Variants in ZNF804B observed in about 807,000 individuals in gnomAD.
ZNF804B encodes zinc finger 804B.
In ZNF804B, 80 loss-of-function variants were observed where a neutral mutation model predicts 101.4. The observed-to-expected ratio is 0.79, with a 90% confidence interval of 0.66 to 0.95. The LOEUF is 0.95. Among genes scored for constraint, ZNF804B ranks in the 40% least tolerant of loss-of-function variants. The probability of loss-of-function intolerance (pLI) is 0.00; values close to 1 mark genes in which losing one functional copy is unlikely to be tolerated. For missense variants in ZNF804B, 1,673 were observed against 1,561.9 expected, an observed-to-expected ratio of 1.07 and a Z score of -1.20; for synonymous variants, 622 against 558.8, an observed-to-expected ratio of 1.11 and a Z score of -1.59.
intron 1 of ZNF804B, among the ~76,000 whole-genome samples, chr7:89,095,352 G>A (rs1789957239): frequency 6.6e-6 from 1 of 152,166 alleles, no homozygotes; most frequent in Non-Finnish European, 1.5e-5. Context: ...CCAGCCTCTA[G>A]AACTGTGAGA....
At position 89,078,787 on chromosome 7, in the gene ZNF804B, A is replaced by G. The variant is rs143000772; in HGVS notation, c.109-139368A>G. Among the ~76,000 whole-genome samples, 538 of 152,090 alleles carry G rather than the reference A, an allele frequency of 3.5e-3. 5 individuals are homozygous for G. The highest frequency in any genetic ancestry group is 0.012 in the African/African-American group (504 of 41,514). The stretch of plus-strand genomic sequence containing the variant: ...TAAGAAGAAGGAATTAGGGAGTCTG[A>G]GAAATACAATTGGTCTTTCTAACCT... On this transcript the variant is annotated intron_variant, in intron 1 of 3. Transcript: ENST00000333190.
At chr7:88,905,496 T>C (rs113056106) in intron 1 of ZNF804B, among the ~76,000 whole-genome samples, 1,944 of 152,192 alleles carry the variant, frequency 0.013, 36 homozygotes, top group African/African-American at 0.044. Context: ...TGTCTGAGAT[T>C]ACAGGCATCT....
At chr7:89,150,235 A>G (rs1430578793) in intron 1 of ZNF804B, among the ~76,000 whole-genome samples, 1 of 151,982 alleles carries the variant, frequency 6.6e-6, no homozygotes, top group Non-Finnish European at 1.5e-5. Context: ...TAGGAGATAC[A>G]GAGTTCGGTA....
At chr7:88,792,482 G>A (rs1790395806) in intron 1 of ZNF804B, among the ~76,000 whole-genome samples, 1 of 151,962 alleles carries the variant, frequency 6.6e-6, no homozygotes, top group Admixed American at 6.6e-5. Flanking sequence ...TCTTACATAT[G>A]CTCGTCTTCT....
chr7:88,939,917 A>T (rs1793031821), intron 1 of ZNF804B, among the ~76,000 whole-genome samples: 1 of 152,014 alleles, frequency 6.6e-6, no homozygotes, highest in South Asian at 2.1e-4. Flanking sequence ...AAGAATTATA[A>T]GTTTAGATTG....
At chr7:88,923,183 G>A (rs1183886344) in intron 1 of ZNF804B, among the ~76,000 whole-genome samples, 4 of 152,040 alleles carry the variant, frequency 2.6e-5, no homozygotes, top group Non-Finnish European at 5.9e-5. Context: ...AGCATAAAGG[G>A]AAATGAGAGA....
chr7:89,128,127 C>T (rs1248982334), intron 1 of ZNF804B, among the ~76,000 whole-genome samples: 3 of 151,276 alleles, frequency 2.0e-5, no homozygotes, highest in Non-Finnish European at 4.4e-5. Context: ...TCCTTTTGGG[C>T]GTTTGAATGT....
intron 1 of ZNF804B, among the ~76,000 whole-genome samples, chr7:89,102,901 TG>T (rs1249981082): frequency 6.6e-6 from 1 of 151,924 alleles, no homozygotes; most frequent in African/African-American, 2.4e-5. Context: ...CTTCTGCATA[TG>T]GCTAGCCAGT....
At chr7:89,308,439 G>T (rs564261191) in intron 2 of ZNF804B, among the ~76,000 whole-genome samples, 3 of 152,218 alleles carry the variant, frequency 2.0e-5, no homozygotes, top group East Asian at 3.9e-4. Context: ...GAATATAAAG[G>T]CTAAGTCAAC....
chr7:89,266,336 T>C (rs890780144), intron 2 of ZNF804B, among the ~76,000 whole-genome samples: 1 of 152,124 alleles, frequency 6.6e-6, no homozygotes, highest in African/African-American at 2.4e-5. Flanking sequence ...ATATTTGCAT[T>C]TCAAAATTTT....
intron 2 of ZNF804B, among the ~76,000 whole-genome samples, chr7:89,248,299 G>A (rs1394147052): frequency 1.3e-5 from 2 of 151,970 alleles, no homozygotes; most frequent in Non-Finnish European, 2.9e-5. Flanking sequence ...ACCAAGGCAT[G>A]TAGTCACCAG....
At chr7:89,216,431 G>A (rs1788898316) in intron 1 of ZNF804B, among the ~76,000 whole-genome samples, 1 of 152,180 alleles carries the variant, frequency 6.6e-6, no homozygotes, top group African/African-American at 2.4e-5. Flanking sequence ...CTTCTCAATA[G>A]TGATTGTATC....
At chr7:89,171,402 T>TC in intron 1 of ZNF804B, among the ~76,000 whole-genome samples, 1 of 119,282 alleles carries the variant, frequency 8.4e-6, no homozygotes, top group African/African-American at 3.3e-5. Context: ...TTCCTCTTCT[T>TC]CTTCTTCTTC....
chr7:89,079,598 G>T (rs536762277), intron 1 of ZNF804B, among the ~76,000 whole-genome samples: 1 of 151,898 alleles, frequency 6.6e-6, no homozygotes, highest in Non-Finnish European at 1.5e-5. Context: ...CATTCCAGTT[G>T]GGGCAGACAG....
intron 1 of ZNF804B, among the ~76,000 whole-genome samples, chr7:88,832,323 G>A (rs1160270238): frequency 6.6e-6 from 1 of 151,910 alleles, no homozygotes; most frequent in African/African-American, 2.4e-5. Context: ...ATTATATTTT[G>A]TATACCTTAA....
intron 2 of ZNF804B, among the ~76,000 whole-genome samples, chr7:89,252,223 AC>A (rs1789553140): frequency 6.6e-6 from 1 of 152,018 alleles, no homozygotes; most frequent in African/African-American, 2.4e-5. Flanking sequence ...TAAACAAATA[AC>A]CCCCTTAAAA....
rs889590737 is a variant in ZNF804B at position 89,334,069 on chromosome 7, G to A, written c.1087G>A (p.Ala363Thr). ...AAATTGTGTTAATCACCCATGCCAA[G>A]CAAATGCTTCCTTCAGCCCACCAAA... ...LENCVNHPCQ[A>T]NASFSPPNIY... The change falls in exon 4 of 4, where the codon GCA (alanine) becomes ACA (threonine). Residue 363 changes from alanine to threonine, a missense_variant. Coordinates refer to ENST00000333190, the MANE Select transcript of ZNF804B (RefSeq NM_181646.5). The A allele has an allele frequency of 1.9e-6, 3 of 1,613,514 alleles. No individual in the cohort carries two copies. The highest frequency in any genetic ancestry group is 2.7e-5 in the African/African-American group (2 of 74,890).
intron 1 of ZNF804B, among the ~76,000 whole-genome samples, chr7:89,095,493 A>T (rs1789959140): frequency 6.6e-6 from 1 of 152,226 alleles, no homozygotes; most frequent in Non-Finnish European, 1.5e-5. Flanking sequence ...TACATTGATA[A>T]GATACATCTG....
chr7:88,856,134 C>T (rs1791552882), intron 1 of ZNF804B, among the ~76,000 whole-genome samples: 1 of 152,096 alleles, frequency 6.6e-6, no homozygotes, highest in East Asian at 1.9e-4. Flanking sequence ...TTTTCCAATT[C>T]TGTGAAGAAA....
Sources: allele counts gnomAD v4.1 joint callset (sites outside exome capture counted in the v4.1 genomes callset), GRCh38; gene constraint gnomAD v4.1.1; transcripts MANE v1.5; gene names NCBI Gene and HGNC (gene_info 2026-07-23, HGNC 2026-07-21).